The following RABEPK variants were observed in gnomAD, a reference collection of about 807,000 sequenced individuals.
The protein encoded by RABEPK is 40 kDa Rab9 effector protein.
In RABEPK, 27 loss-of-function variants were observed where a neutral mutation model predicts 34.1. The observed-to-expected ratio is 0.79, with a 90% CI of 0.58 to 1.09. The LOEUF (loss-of-function observed/expected upper bound fraction) is 1.09. Among genes scored for constraint, RABEPK ranks in the 50% least tolerant of loss-of-function variants. The probability of loss-of-function intolerance (pLI) is 0.00; values close to 1 mark genes in which losing one functional copy is unlikely to be tolerated. For synonymous variants in RABEPK, 172 were observed against 169.2 expected (o/e 1.02, Z -0.13); for missense variants, 449 against 462.6 (o/e 0.97, Z 0.27).
At chr9:125,203,614 C>A (rs1471174951) in intron 2 of RABEPK, among the ~76,000 whole-genome samples, 1 of 152,164 alleles carries the variant, frequency 6.6e-6, no homozygotes, top group Non-Finnish European at 1.5e-5. Flanking sequence ...TTCAACAGGA[C>A]CTTGAAGGAG....
chr9:125,233,794 A>G lies in RABEPK; in HGVS notation c.933A>G (p.Lys311=). Residue 311 remains lysine, a synonymous_variant, in exon 8 of 8, where the codon AAA becomes AAG. Transcript: ENST00000373538. Reference sequence around the variant, plus strand: ...GGCCAGTGACGTGTGCTTCTGAGAAAGAAGATTCCAACTCTCTCACTCTGA... The same window carrying G: ...GGCCAGTGACGTGTGCTTCTGAGAAGGAAGATTCCAACTCTCTCACTCTGA... ...IPWPVTCASE[K]EDSNSLTLNH... 1 of 1,614,158 alleles carries G rather than the reference A, an allele frequency of 6.2e-7. No individual in the cohort carries two copies. The highest frequency in any genetic ancestry group is 2.2e-5 in the East Asian group (1 of 44,886).
intron 6 of RABEPK, among the ~76,000 whole-genome samples, chr9:125,230,681 G>A (rs1352557206): frequency 1.3e-5 from 2 of 151,690 alleles, no homozygotes; most frequent in Admixed American, 6.6e-5. Context: ...GACTACAGGT[G>A]TCCACCACCA....
chr9:125,230,355 G>A (rs1014060440), intron 6 of RABEPK, among the ~76,000 whole-genome samples: 5 of 152,114 alleles, frequency 3.3e-5, no homozygotes, highest in African/African-American at 1.2e-4. Flanking sequence ...GAAGGCATGG[G>A]AAGTCCTGTG....
intron 4 of RABEPK, among the ~76,000 whole-genome samples, chr9:125,214,509 G>A (rs1830795681): frequency 6.6e-6 from 1 of 152,108 alleles, no homozygotes; most frequent in Admixed American, 6.6e-5. Flanking sequence ...AAGACATTTT[G>A]TTTGTTCGTT....
chr9:125,230,475 G>A (rs1345295065), intron 6 of RABEPK, among the ~76,000 whole-genome samples: 4 of 152,116 alleles, frequency 2.6e-5, no homozygotes, highest in Non-Finnish European at 4.4e-5. Flanking sequence ...TGGCCACACC[G>A]GGTGATTCTC....
intron 3 of RABEPK, among the ~76,000 whole-genome samples, chr9:125,210,738 G>T (rs1049674158): frequency 6.7e-6 from 1 of 149,662 alleles, no homozygotes. Flanking sequence ...TAAAAGAAAC[G>T]ATTATTCTTT....
chr9:125,215,283 T>G (rs1250810671), intron 4 of RABEPK, among the ~76,000 whole-genome samples: 1 of 60,494 alleles, frequency 1.7e-5, no homozygotes, highest in Non-Finnish European at 2.9e-5. Flanking sequence ...ATCATTTGTT[T>G]GTTTTTTTTG....
intron 2 of RABEPK, among the ~76,000 whole-genome samples, chr9:125,206,615 A>G (rs527469623): frequency 1.3e-4 from 20 of 152,342 alleles, no homozygotes; most frequent in African/African-American, 4.1e-4. Context: ...AAAAGCTCTG[A>G]AATCAGTAAA....
In RABEPK at chr9:125,213,451, C is replaced by T. The variant is rs1001218843; in HGVS notation, c.293C>T (p.Pro98Leu). 1 of 1,614,130 alleles carries T rather than the reference C, an allele frequency of 6.2e-7. No homozygotes were observed. The highest frequency in any genetic ancestry group is 2.2e-5 in the East Asian group (1 of 44,884). The change falls in exon 4 of 8, where the codon CCT becomes CTT. Residue 98 changes from proline (P) to leucine (L), a missense_variant. Physicochemically the swap from Pro to Leu is moderately conservative, Grantham distance 98. Transcript: ENST00000373538. ...GCTAGCTTCATTCCCTCCTGCACAC[C>T]TGACCGTATCTGGGTATTTGGAGGT... Reference protein sequence around the residue: ...EHASFIPSCTPDRIWVFGGAN... With the variant: ...EHASFIPSCTLDRIWVFGGAN...
At position 125,207,863 on chromosome 9, in the gene RABEPK, C is replaced by T. The variant is rs1025020136; in HGVS notation, c.211+142C>T. ...GGCCAGGACCAGGTGTGGTGGCTCA[C>T]GCCTCTAATCCCAGCACTTTGGGAG... On this transcript the variant is annotated intron_variant, in intron 3 of 7. Coordinates refer to ENST00000373538, the MANE Select transcript of RABEPK (RefSeq NM_005833.4). The T allele has an allele frequency of 4.5e-5, 46 of 1,011,224 alleles. No individual in the cohort carries two copies. The South Asian group carries it at 6.2e-4, about 14-fold the overall frequency. 62.6% of individuals were successfully genotyped at this position (1,011,224 alleles called of 1,614,324 possible).
At chr9:125,224,344 A>T (rs946270763) in intron 5 of RABEPK, among the ~76,000 whole-genome samples, 1 of 152,138 alleles carries the variant, frequency 6.6e-6, no homozygotes, top group African/African-American at 2.4e-5. Context: ...AGTAAAACGT[A>T]ATAATCATCA....
At chr9:125,223,443 A>G (rs996946510) in intron 5 of RABEPK, among the ~76,000 whole-genome samples, 15 of 152,122 alleles carry the variant, frequency 9.9e-5, no homozygotes, top group Admixed American at 3.3e-4. Flanking sequence ...GTGACAGAGC[A>G]AGGCTCTGTC....
intron 4 of RABEPK, among the ~76,000 whole-genome samples, chr9:125,219,742 G>C (rs1831194808): frequency 6.7e-6 from 1 of 149,832 alleles, no homozygotes; most frequent in South Asian, 2.1e-4. Flanking sequence ...TTGTTTCCCA[G>C]TCTGGTCACA....
intron 3 of RABEPK, among the ~76,000 whole-genome samples, chr9:125,209,452 C>G (rs572938593): frequency 6.6e-6 from 1 of 151,912 alleles, no homozygotes; most frequent in African/African-American, 2.4e-5. Context: ...TGGGTTCAAG[C>G]GATTCTCCTG....
intron 2 of RABEPK, 152 bp from the exon 3 acceptor site, chr9:125,207,412 T>G: frequency 2.6e-6 from 2 of 776,380 alleles, no homozygotes; most frequent in Non-Finnish European, 4.1e-6. Flanking sequence ...GAGGTACTAT[T>G]ATTAATCAGA....
intron 2 of RABEPK, among the ~76,000 whole-genome samples, chr9:125,207,346 T>A (rs144335523): frequency 1.8e-4 from 28 of 152,268 alleles, no homozygotes; most frequent in South Asian, 6.2e-4. Context: ...CCTACCAGAT[T>A]ACTGTGAGAT....
In RABEPK at chr9:125,220,730, T is replaced by G. The variant is rs767350361; in HGVS notation, c.526+30T>G. 5.0e-6 allele frequency: 8 copies of G among 1,604,130 alleles called. No individual in the cohort carries two copies. In the Admixed American group the frequency reaches 1.2e-4, roughly 24 times the overall value. ...GGACTGGTGGGCACCTTGGGGCTGG[T>G]CAGGGCCATCCCAGTTTACACATTA... On this transcript the variant is annotated intron_variant, in intron 5 of 7. Transcript: ENST00000373538.
chr9:125,233,088 A>AG (rs1832321431), intron 7 of RABEPK, among the ~76,000 whole-genome samples: 3 of 151,646 alleles, frequency 2.0e-5, no homozygotes. Flanking sequence ...AAAAAAAAAA[A>AG]AAAAGAAAGA....
chr9:125,209,869 C>G (rs1186414271), intron 3 of RABEPK, among the ~76,000 whole-genome samples: 4 of 152,144 alleles, frequency 2.6e-5, no homozygotes, highest in African/African-American at 9.7e-5. Flanking sequence ...TACCTCTGGA[C>G]TCGTTCAGGC....
Sources: allele counts gnomAD v4.1 joint callset (sites outside exome capture counted in the v4.1 genomes callset), GRCh38; gene constraint gnomAD v4.1.1; transcripts MANE v1.5; gene names NCBI Gene and HGNC (gene_info 2026-07-23, HGNC 2026-07-21).